Variants in PCNT observed in about 807,000 individuals in gnomAD.
PCNT encodes the protein pericentrin.
A neutral mutation model predicts 380.4 loss-of-function variants in PCNT; 319 were observed. The ratio of observed to expected loss-of-function variants is 0.84; its 90% CI spans 0.77 to 0.92. The LOEUF (loss-of-function observed/expected upper bound fraction) is 0.92, where lower values mean the gene tolerates loss of function less well. Among genes scored for constraint, PCNT ranks in the 40% least tolerant of loss-of-function variants. The pLI, the probability that PCNT is intolerant of heterozygous loss-of-function variation, is 0.00. For missense variants in PCNT, 4,400 were observed against 4,255.3 expected (o/e 1.03, Z -0.95); for synonymous variants, 1,845 against 1,735.2 (o/e 1.06, Z -1.57).
intron 2 of PCNT, among the ~76,000 whole-genome samples, chr21:46,327,697 T>G (rs779263380): frequency 2.6e-5 from 4 of 152,246 alleles, no homozygotes; most frequent in Admixed American, 2.0e-4. Flanking sequence ...TTGATGGGTG[T>G]TTCTTGGGAC....
rs754743756 is a variant in PCNT at position 46,382,446 on chromosome 21, C to A, written c.3312+606C>A. Reference sequence around the variant, plus strand: ...ATTCACGGTGTTGTATATTCAGTGGCGGAAGCGCATTCACCATGTTGTATA... The same window carrying A: ...ATTCACGGTGTTGTATATTCAGTGGAGGAAGCGCATTCACCATGTTGTATA... On this transcript the variant is annotated intron_variant, in intron 16 of 46. Transcript: ENST00000359568. 2.7e-5 allele frequency among the ~76,000 whole-genome samples: 4 copies of A among 145,790 alleles called. 1 individual carries two copies. The highest frequency in any genetic ancestry group is 6.0e-5 in the Non-Finnish European group (4 of 66,288).
chr21:46,362,480 G>A (rs1252003304), intron 13 of PCNT, among the ~76,000 whole-genome samples: 2 of 152,152 alleles, frequency 1.3e-5, no homozygotes, highest in Non-Finnish European at 2.9e-5. Context: ...TGTCTCTGGA[G>A]GGCTGGTCTG....
In PCNT at chr21:46,375,781, C is replaced by T. The variant is rs560007551; in HGVS notation, c.3166-5913C>T. On this transcript the variant is annotated intron_variant, in intron 15 of 46. Coordinates refer to ENST00000359568, the MANE Select transcript of PCNT (RefSeq NM_006031.6). ...ACGTCTCCTGGGGGCTGTCCCCCCG[C>T]GGGGAGCCGCCTCATTTGGCCTCCA... Among the ~76,000 whole-genome samples the T allele has an allele frequency of 3.8e-3, 586 of 152,364 alleles. 2 individuals carry two copies. Among genetic ancestry groups the T allele is most frequent in the Admixed American group, 6.5e-3 (100 of 15,312 alleles).
intron 8 of PCNT, 57 bp from the exon 9 acceptor site, chr21:46,351,372 C>T: frequency 1.1e-6 from 1 of 910,512 alleles, no homozygotes; most frequent in East Asian, 2.4e-5. Context: ...CACGTCACTG[C>T]TGGGGTGGGG....
At position 46,384,100 on chromosome 21, in the gene PCNT, T is replaced by C. The variant is rs1215754840; in HGVS notation, c.3313-1732T>C. Among the ~76,000 whole-genome samples the C allele has an allele frequency of 4.8e-5, 7 of 144,838 alleles. 1 individual carries two copies. Among genetic ancestry groups the C allele is most frequent in the South Asian group, 2.4e-4 (1 of 4,222 alleles). On this transcript the variant is annotated intron_variant, in intron 16 of 46. Coordinates refer to ENST00000359568, the MANE Select transcript of PCNT (RefSeq NM_006031.6). Reference sequence around the variant, plus strand: ...CGCATTCACAGTGTTGTATATTCAGTGGCGGAAGCGCATTCACAGTGTTGT... The same window carrying C: ...CGCATTCACAGTGTTGTATATTCAGCGGCGGAAGCGCATTCACAGTGTTGT...
At chr21:46,420,270 C>G (rs937677245) in intron 31 of PCNT, among the ~76,000 whole-genome samples, 1 of 152,158 alleles carries the variant, frequency 6.6e-6, no homozygotes, top group Non-Finnish European at 1.5e-5. Context: ...TCCTGTTATT[C>G]AACTATATCA....
intron 8 of PCNT, 143 bp downstream of exon 8, chr21:46,349,963 CCTGTAA>C: frequency 7.0e-6 from 6 of 854,202 alleles, no homozygotes; most frequent in Non-Finnish European, 1.1e-5. Flanking sequence ...GTGGTTCACG[CCTGTAA>C]CTCTATCACT....
intron 1 of PCNT, among the ~76,000 whole-genome samples, chr21:46,324,571 G>T (rs1474632751): frequency 2.0e-5 from 3 of 149,988 alleles, no homozygotes; most frequent in Admixed American, 2.0e-4. Context: ...GTCGGGGGGG[G>T]TGGGGCGCGG....
chr21:46,379,690 C>T (rs2085448797), intron 15 of PCNT, among the ~76,000 whole-genome samples: 1 of 152,102 alleles, frequency 6.6e-6, no homozygotes. Flanking sequence ...CGTGTGAATT[C>T]TGTCTTCTGC....
chr21:46,381,196 C>CTGTGTGTGTGTG (rs10523538), intron 15 of PCNT, among the ~76,000 whole-genome samples: 1 of 122,238 alleles, frequency 8.2e-6, no homozygotes, highest in Admixed American at 9.4e-5. Context: ...AAAAAAATCT[C>CTGTGTGTGTGTG]TGTGTGTGTG....
chr21:46,375,943 C>T (rs756599580), intron 15 of PCNT, among the ~76,000 whole-genome samples: 2 of 152,234 alleles, frequency 1.3e-5, no homozygotes, highest in Non-Finnish European at 1.5e-5. Context: ...TGAAACAAAG[C>T]GAAGGTCAAG....
In PCNT at chr21:46,411,243, C is replaced by T. The variant is rs375310091; in HGVS notation, c.5170C>T (p.Leu1724=). The stretch of plus-strand genomic sequence containing the variant: ...AGAGCTGAAAGCCACTATTGAAAAT[C>T]TGCAAGAGAATCAGAAACGATTACA... ...IEELKATIEN[L]QENQKRLQKE... The change falls in exon 28 of 47, where the codon CTG becomes TTG. Residue 1724 remains leucine (L), a synonymous_variant. Coordinates refer to ENST00000359568, the MANE Select transcript of PCNT (RefSeq NM_006031.6). 1.2e-6 allele frequency: 2 copies of T among 1,614,126 alleles called. No individual in the cohort carries two copies. The highest frequency in any genetic ancestry group is 2.2e-5 in the South Asian group (2 of 91,078).
At chr21:46,371,618 C>T (rs12106460) in intron 15 of PCNT, among the ~76,000 whole-genome samples, 2 of 152,216 alleles carry the variant, frequency 1.3e-5, no homozygotes, top group Admixed American at 6.5e-5. Flanking sequence ...CCAAGGTGGC[C>T]GTGAAGGGGC....
At chr21:46,378,276 G>A (rs554361844) in intron 15 of PCNT, among the ~76,000 whole-genome samples, 1 of 152,222 alleles carries the variant, frequency 6.6e-6, no homozygotes, top group Non-Finnish European at 1.5e-5. Context: ...TTACCTTAAA[G>A]GAATCACCCT....
Position 46,351,459 on chromosome 21 carries a change from C to A in PCNT, c.1375C>A (p.Leu459Met). 1 of 1,612,208 alleles carries A rather than the reference C, an allele frequency of 6.2e-7. No homozygotes were observed. The highest frequency in any genetic ancestry group is 8.5e-7 in the Non-Finnish European group (1 of 1,178,266). Residue 459 changes from leucine to methionine, a missense_variant, in exon 9 of 47, where the codon CTG becomes ATG. Coordinates refer to ENST00000359568, the MANE Select transcript of PCNT (RefSeq NM_006031.6). ...GAATCTTCAAGCATCATATGAAGAC[C>A]TGAAGGCACAATCACAAGAAGAGAT... is the stretch of plus-strand genomic sequence containing the variant. ...LENLQASYED[L>M]KAQSQEEIRR... is the part of the protein sequence containing the mutation.
rs924880294 is a variant in PCNT at position 46,355,586 on chromosome 21, A to G, written c.1896A>G (p.Gly632=). The part of the protein sequence containing the change: ...DRCCVETSAL[G]HEWRLEPSEG... ...GCTGCGTAGAGACTTCAGCATTGGG[A>G]CACGAGTGGCGTCTGGAACCCTCTG... is the stretch of plus-strand genomic sequence containing the variant. Residue 632 remains glycine, a synonymous_variant, in exon 12 of 47, where the codon GGA becomes GGG. Transcript: ENST00000359568. 2.5e-6 allele frequency: 4 copies of G among 1,613,942 alleles called. No homozygotes were observed. The highest frequency in any genetic ancestry group is 1.7e-6 in the Non-Finnish European group (2 of 1,180,016).
At chr21:46,428,165 C>T (rs1183543813) in intron 34 of PCNT, among the ~76,000 whole-genome samples, 4 of 152,182 alleles carry the variant, frequency 2.6e-5, no homozygotes, top group Non-Finnish European at 5.9e-5. Flanking sequence ...CCAGCATACA[C>T]GAGGAAACCT....
chr21:46,412,543 G>C (rs1411442218), intron 28 of PCNT, among the ~76,000 whole-genome samples: 4 of 152,302 alleles, frequency 2.6e-5, no homozygotes, highest in African/African-American at 9.6e-5. Flanking sequence ...TGGGAACTTG[G>C]TGCCTACCAC....
intron 3 of PCNT, among the ~76,000 whole-genome samples, chr21:46,342,083 A>G (rs1279211109): frequency 6.6e-6 from 1 of 151,942 alleles, no homozygotes; most frequent in Non-Finnish European, 1.5e-5. Context: ...CTGGGATTAT[A>G]GGCATGCACC....
Sources: gnomAD v4.1 joint callset for allele counts (sites outside exome capture counted in the v4.1 genomes callset) on GRCh38, gnomAD v4.1.1 for gene constraint, MANE v1.5 for transcripts, NCBI Gene and HGNC (gene_info 2026-07-23, HGNC 2026-07-21) for gene names.